The following RUNX2 variants were observed in gnomAD, a reference collection of about 807,000 sequenced individuals.
RUNX2 encodes RUNX family transcription factor 2, also known as runt-related transcription factor 2.
Under a neutral mutation model 51.7 loss-of-function variants are expected in RUNX2, and 10 were observed. The observed-to-expected ratio is 0.19, with a 90% CI of 0.12 to 0.33. The LOEUF (loss-of-function observed/expected upper bound fraction) is 0.33. Among genes scored for constraint, RUNX2 ranks in the 10% least tolerant of loss-of-function variants. The pLI is 1.00. For missense variants in RUNX2, 562 were observed against 691.3 expected, an observed-to-expected ratio of 0.81 and a Z score of 2.10; for synonymous variants, 276 against 273.6, an observed-to-expected ratio of 1.01 and a Z score of -0.09.
At chr6:45,379,814 C>T (rs541815502) in intron 2 of RUNX2, among the ~76,000 whole-genome samples, 4 of 151,918 alleles carry the variant, frequency 2.6e-5, no homozygotes, top group African/African-American at 9.7e-5. Flanking sequence ...TGCAGGGAGC[C>T]GAGATCACGC....
chr6:45,512,205 A>G, intron 6 of RUNX2, 41 bp from the exon 7 acceptor site: 1 of 1,604,788 alleles, frequency 6.2e-7, no homozygotes, highest in Non-Finnish European at 8.5e-7. Flanking sequence ...TAAGGCTGCA[A>G]TGGTTGCTAT....
intron 6 of RUNX2, among the ~76,000 whole-genome samples, chr6:45,502,072 G>A (rs1420728850): frequency 1.3e-5 from 2 of 152,174 alleles, no homozygotes; most frequent in Admixed American, 1.3e-4. Context: ...GAGTTATAGG[G>A]AGGCATATTT....
intron 2 of RUNX2, among the ~76,000 whole-genome samples, chr6:45,370,041 A>G (rs1383418855): frequency 6.6e-6 from 1 of 152,172 alleles, no homozygotes; most frequent in Non-Finnish European, 1.5e-5. Context: ...ATGTGAAGCT[A>G]TTAGAGAATT....
intron 2 of RUNX2, among the ~76,000 whole-genome samples, chr6:45,409,343 A>G (rs77003447): frequency 0.02 from 3,112 of 152,272 alleles, 105 homozygotes; most frequent in African/African-American, 0.068. Context: ...AACTCACTAT[A>G]AAACCTTCCA....
At chr6:45,523,198 T>C (rs1801561252) in intron 7 of RUNX2, among the ~76,000 whole-genome samples, 1 of 152,200 alleles carries the variant, frequency 6.6e-6, no homozygotes, top group South Asian at 2.1e-4. Context: ...TAAGCATTGA[T>C]TTCTCAGGAA....
chr6:45,374,692 C>T (rs1462143779), intron 2 of RUNX2, among the ~76,000 whole-genome samples: 1 of 152,098 alleles, frequency 6.6e-6, no homozygotes, highest in East Asian at 1.9e-4. Context: ...AACACAAATA[C>T]TCAATCACCT....
chr6:45,336,947 T>TA (rs2150113043), intron 2 of RUNX2, among the ~76,000 whole-genome samples: 1 of 151,770 alleles, frequency 6.6e-6, no homozygotes, highest in African/African-American at 2.4e-5. Flanking sequence ...TAAACTGGCA[T>TA]AAAAATATTT....
chr6:45,515,366 G>A (rs1801289122), intron 7 of RUNX2, among the ~76,000 whole-genome samples: 1 of 152,154 alleles, frequency 6.6e-6, no homozygotes, highest in Admixed American at 6.5e-5. Flanking sequence ...TTCAGGGTTG[G>A]TGTGAGGATT....
At chr6:45,459,885 C>A (rs1799423744) in intron 5 of RUNX2, among the ~76,000 whole-genome samples, 1 of 152,108 alleles carries the variant, frequency 6.6e-6, no homozygotes, top group African/African-American at 2.4e-5. Context: ...GGGAGCGAGC[C>A]ATCTATCAAT....
intron 5 of RUNX2, among the ~76,000 whole-genome samples, chr6:45,487,383 T>A (rs1800315340): frequency 6.6e-6 from 1 of 152,214 alleles, no homozygotes; most frequent in African/African-American, 2.4e-5. Context: ...AGAAGCATGT[T>A]ACTCTAAACT....
At chr6:45,330,229 G>T (rs1787181508) in intron 2 of RUNX2, among the ~76,000 whole-genome samples, 1 of 151,872 alleles carries the variant, frequency 6.6e-6, no homozygotes, top group Non-Finnish European at 1.5e-5. Context: ...TTTTAATGAT[G>T]GGTACCAAGT....
chr6:45,412,758 T>C (rs768525895), intron 2 of RUNX2, among the ~76,000 whole-genome samples: 16 of 152,214 alleles, frequency 1.1e-4, no homozygotes, highest in Non-Finnish European at 2.1e-4. Context: ...TATTTACTTA[T>C]TTCTGAGACG....
chr6:45,466,038 G>A (rs560944012), intron 5 of RUNX2, among the ~76,000 whole-genome samples: 15 of 152,300 alleles, frequency 9.8e-5, no homozygotes, highest in African/African-American at 3.6e-4. Flanking sequence ...AATAGGCCGA[G>A]TGCAGTGGCT....
At chr6:45,523,536 G>A (rs904098215) in intron 7 of RUNX2, among the ~76,000 whole-genome samples, 2 of 151,978 alleles carry the variant, frequency 1.3e-5, no homozygotes, top group Non-Finnish European at 2.9e-5. Context: ...CTCCCAAAGT[G>A]CTGGGATTAC....
chr6:45,526,911 T>C (rs1290427126), intron 7 of RUNX2, among the ~76,000 whole-genome samples: 1 of 152,204 alleles, frequency 6.6e-6, no homozygotes, highest in Non-Finnish European at 1.5e-5. Flanking sequence ...GGATAGTTAA[T>C]ATATGTAAAG....
At chr6:45,436,737 TATA>T (rs1798695929) in intron 4 of RUNX2, among the ~76,000 whole-genome samples, 2 of 152,230 alleles carry the variant, frequency 1.3e-5, no homozygotes, top group South Asian at 4.1e-4. Flanking sequence ...AAGCCTTGTA[TATA>T]ACCTGTTCCA....
chr6:45,525,639 T>C (rs898249415), intron 7 of RUNX2, among the ~76,000 whole-genome samples: 1 of 152,190 alleles, frequency 6.6e-6, no homozygotes, highest in Non-Finnish European at 1.5e-5. Flanking sequence ...TCTGTGATTC[T>C]AAATTAAGGC....
intron 2 of RUNX2, among the ~76,000 whole-genome samples, chr6:45,361,386 TATC>T (rs1403552045): frequency 6.6e-6 from 1 of 152,144 alleles, no homozygotes; most frequent in East Asian, 1.9e-4. Flanking sequence ...CTGGCATCAT[TATC>T]ATCAGGCCTG....
chr6:45,354,658 C>A lies in RUNX2; in HGVS notation c.58+25874C>A, dbSNP rs6904700. ...ACACACACACACACACACACAGTCTCCTATATGTTGCTATGCAGAGATCTC... is the reference window on the plus strand; with the variant it reads ...ACACACACACACACACACACAGTCTACTATATGTTGCTATGCAGAGATCTC... On this transcript the variant is annotated intron_variant, in intron 2 of 8. Coordinates refer to ENST00000647337, the MANE Select transcript of RUNX2 (RefSeq NM_001024630.4). 5.5e-4 allele frequency among the ~76,000 whole-genome samples: 83 copies of A among 151,428 alleles called. 1 individual carries two copies. The highest frequency in any genetic ancestry group is 2.0e-3 in the African/African-American group (82 of 41,208).
Sources: allele counts gnomAD v4.1 joint callset (sites outside exome capture counted in the v4.1 genomes callset), GRCh38; gene constraint gnomAD v4.1.1; transcripts MANE v1.5; gene names NCBI Gene and HGNC (gene_info 2026-07-23, HGNC 2026-07-21).